The following HIPK2 variants were observed in gnomAD, a reference collection of about 807,000 sequenced individuals.
HIPK2 encodes the protein homeodomain-interacting protein kinase 2.
HIPK2 carries 27 observed loss-of-function variants against 113.7 expected under a neutral mutation model. The observed-to-expected ratio is 0.24, with a 90% CI of 0.17 to 0.33. The LOEUF is 0.33. Among genes scored for constraint, HIPK2 ranks in the 10% least tolerant of loss-of-function variants. The pLI is 1.00. For synonymous variants in HIPK2, 631 were observed against 642.2 expected, an observed-to-expected ratio of 0.98 and a Z score of 0.26; for missense variants, 1,257 against 1,588.0, an observed-to-expected ratio of 0.79 and a Z score of 3.54.
At chr7:139,668,539 C>G (rs1400399919) in intron 2 of HIPK2, among the ~76,000 whole-genome samples, 2 of 150,598 alleles carry the variant, frequency 1.3e-5, no homozygotes, top group African/African-American at 4.9e-5. Context: ...CCACTGCACT[C>G]CAGCCTGGGT....
rs765900783 is a variant in HIPK2, at chr7:139,614,452, G to A, written c.1824C>T (p.Pro608=). ...STSATISLAN[P]EVSILNYPST... ...ATGGGTAGTTTAGTATGGAGACTTCGGGATTGGCTAAGGAAATAGTGGCAC... is the reference window on the plus strand; with the variant it reads ...ATGGGTAGTTTAGTATGGAGACTTCAGGATTGGCTAAGGAAATAGTGGCAC... Residue 608 remains proline (P), a synonymous_variant, in exon 8 of 15, where the codon CCC becomes CCT. Transcript: ENST00000406875. The A allele has an allele frequency of 2.0e-5, 30 of 1,496,860 alleles. No individual in the cohort carries two copies. Among genetic ancestry groups the A allele is most frequent in the African/African-American group, 2.8e-5 (2 of 70,992 alleles). The allele number at this position is 1,496,860 out of a possible 1,614,324, so 92.7% of individuals were successfully genotyped here.
intron 13 of HIPK2, among the ~76,000 whole-genome samples, chr7:139,577,140 CTTTTTT>C (rs966966045): frequency 2.2e-5 from 2 of 91,460 alleles, no homozygotes; most frequent in African/African-American, 8.6e-5. Flanking sequence ...ACTGGGCTTC[CTTTTTT>C]TTTTTTTTTT....
At chr7:139,729,741 G>A (rs1795714828) in intron 1 of HIPK2, among the ~76,000 whole-genome samples, 1 of 152,192 alleles carries the variant, frequency 6.6e-6, no homozygotes, top group Non-Finnish European at 1.5e-5. Flanking sequence ...TTTCAACCCA[G>A]AGGAATTCCA....
intron 1 of HIPK2, among the ~76,000 whole-genome samples, chr7:139,719,118 G>A (rs1176756565): frequency 1.3e-5 from 2 of 151,970 alleles, no homozygotes; most frequent in African/African-American, 4.8e-5. Context: ...GTGCTCGGGT[G>A]GTTCCTCTTC....
In HIPK2 at chr7:139,657,200, G is replaced by C. The variant is rs1005044564; in HGVS notation, c.1104-25475C>G. Among the ~76,000 whole-genome samples, 46 of 152,270 alleles carry C rather than the reference G, an allele frequency of 3.0e-4. 1 individual carries two copies. The highest frequency in any genetic ancestry group is 1.0e-3 in the South Asian group (5 of 4,820). ...AGTTCTACGTCCACTTCTATTAGCA[G>C]TCCCCCGACAGCTCACCCAGGCTTC... On this transcript the variant is annotated intron_variant, in intron 2 of 14. Transcript: ENST00000406875.
chr7:139,667,677 C>T (rs1010236778), intron 2 of HIPK2, among the ~76,000 whole-genome samples: 1 of 151,906 alleles, frequency 6.6e-6, no homozygotes, highest in African/African-American at 2.4e-5. Flanking sequence ...AGAAACATTG[C>T]CAGATTCTCG....
intron 7 of HIPK2, among the ~76,000 whole-genome samples, chr7:139,617,200 T>TG (rs1471483502): frequency 2.0e-5 from 3 of 152,164 alleles, no homozygotes; most frequent in Non-Finnish European, 4.4e-5. Context: ...GGAAGAGCTC[T>TG]TGCAGCTGAC....
Position 139,765,135 on chromosome 7 carries a change from C to CAA in HIPK2, c.19+12468_19+12469dup, listed in dbSNP as rs113415401. On this transcript the variant is annotated intron_variant, in intron 1 of 14. Coordinates refer to ENST00000406875, the MANE Select transcript of HIPK2 (RefSeq NM_022740.5). ...TAGATGACAGAGCGAGACTCTGTCT[C>CAA]AAAAAAAAAAAAAATTAAACTTTGG... Among the ~76,000 whole-genome samples, 439 of 130,498 alleles carry CAA rather than the reference C, an allele frequency of 3.4e-3. 4 individuals carry two copies. Among genetic ancestry groups the CAA allele is most frequent in the African/African-American group, 0.011 (395 of 36,878 alleles). 85.6% of individuals were successfully genotyped at this position (130,498 alleles called of 152,430 possible).
intron 2 of HIPK2, among the ~76,000 whole-genome samples, chr7:139,692,363 A>T (rs1326363722): frequency 6.6e-6 from 1 of 152,214 alleles, no homozygotes; most frequent in Non-Finnish European, 1.5e-5. Context: ...CTGGCTACAG[A>T]GAGGGTGTCA....
chr7:139,745,601 C>T (rs1175191347), intron 1 of HIPK2, among the ~76,000 whole-genome samples: 1 of 152,160 alleles, frequency 6.6e-6, no homozygotes, highest in Non-Finnish European at 1.5e-5. Flanking sequence ...CTCATTACCC[C>T]ACTGTTCTCC....
At chr7:139,634,378 C>T (rs760104395) in intron 2 of HIPK2, among the ~76,000 whole-genome samples, 2 of 151,982 alleles carry the variant, frequency 1.3e-5, no homozygotes, top group Non-Finnish European at 2.9e-5. Flanking sequence ...CATTGGACTG[C>T]GCATGTATTG....
chr7:139,647,753 A>C (rs973337049), intron 2 of HIPK2, among the ~76,000 whole-genome samples: 2 of 152,228 alleles, frequency 1.3e-5, no homozygotes, highest in Non-Finnish European at 2.9e-5. Context: ...ATTAAAAAAA[A>C]CCCATAAGCA....
At chr7:139,764,987 TTAGCCGGGCATGG>T (rs1443469676) in intron 1 of HIPK2, among the ~76,000 whole-genome samples, 148 of 152,122 alleles carry the variant, frequency 9.7e-4, no homozygotes, top group African/African-American at 3.2e-3. Context: ...AATACAAAAA[TTAGCCGGGCATGG>T]TGGCGGGTGC....
intron 2 of HIPK2, among the ~76,000 whole-genome samples, chr7:139,712,586 A>G (rs903046409): frequency 6.6e-6 from 1 of 152,270 alleles, no homozygotes; most frequent in Admixed American, 6.5e-5. Context: ...CCTCCAGCCC[A>G]GGCGGCTCAA....
rs1794109211 is a variant in HIPK2, at chr7:139,683,298, T to C, written c.1103+32634A>G. On this transcript the variant is annotated intron_variant, in intron 2 of 14. Coordinates refer to ENST00000406875, the MANE Select transcript of HIPK2 (RefSeq NM_022740.5). This position sits in a 1 kb window ranked among gnomAD's most constrained non-coding sequence, Gnocchi z 4.2. ...ACAAGGTACCGCAAAACTTAGTGCCTTAAAATAACCATTACTTCATGGTTG... is the reference window on the plus strand; with the variant it reads ...ACAAGGTACCGCAAAACTTAGTGCCCTAAAATAACCATTACTTCATGGTTG... Among the ~76,000 whole-genome samples the C allele has an allele frequency of 6.6e-6, 1 of 152,170 alleles. No individual in the cohort carries two copies. Among genetic ancestry groups the C allele is most frequent in the Non-Finnish European group, 1.5e-5 (1 of 68,018 alleles).
intron 1 of HIPK2, among the ~76,000 whole-genome samples, chr7:139,726,569 T>C (rs1429714190): frequency 2.6e-5 from 4 of 152,202 alleles, no homozygotes; most frequent in Admixed American, 2.0e-4. Context: ...TGTCCAGTGT[T>C]CAGCTATTCA....
rs1311328683 is a variant in HIPK2, at chr7:139,572,369, G to A, written c.*558C>T. 1 of 152,220 alleles carries A rather than the reference G, an allele frequency of 6.6e-6. No individual in the cohort carries two copies. The highest frequency in any genetic ancestry group is 1.5e-5 in the Non-Finnish European group (1 of 68,072). 9.4% of individuals were successfully genotyped at this position (152,220 alleles called of 1,614,324 possible). A position where few individuals can be genotyped will look rare whatever the true frequency, so the allele number is the denominator to read the frequency against. ...ATTCTGGAGGGCTGTTGACCCTTTC[G>A]AGTTCTGGAAAAATCCCTAAATCTT... On this transcript the variant is annotated 3_prime_UTR_variant, in exon 15 of 15. Coordinates refer to ENST00000406875, the MANE Select transcript of HIPK2 (RefSeq NM_022740.5).
chr7:139,607,404 T>G (rs1256281647), intron 9 of HIPK2, among the ~76,000 whole-genome samples: 2 of 152,080 alleles, frequency 1.3e-5, no homozygotes, highest in African/African-American at 4.8e-5. Flanking sequence ...CATGTAGTCA[T>G]GAAATGTGAG....
intron 2 of HIPK2, among the ~76,000 whole-genome samples, chr7:139,664,653 A>G (rs1801984098): frequency 6.6e-6 from 1 of 152,050 alleles, no homozygotes; most frequent in African/African-American, 2.4e-5. Context: ...AACGAGGGCC[A>G]CCTCCGCTGG....
Sources: allele counts gnomAD v4.1 joint callset (sites outside exome capture counted in the v4.1 genomes callset), GRCh38; gene constraint gnomAD v4.1.1; non-coding constraint Gnocchi (gnomAD v3.1); transcripts MANE v1.5; gene names NCBI Gene and HGNC (gene_info 2026-07-23, HGNC 2026-07-21).